The following IL7 variants were observed in gnomAD, a reference collection of about 807,000 sequenced individuals.
The protein encoded by IL7 is interleukin 7.
In IL7, 3 loss-of-function variants were observed where a neutral mutation model predicts 21.6. That is an observed-to-expected ratio of 0.14 (90% confidence interval 0.06 to 0.36). The LOEUF (loss-of-function observed/expected upper bound fraction) is 0.36. Among genes scored for constraint, IL7 ranks in the 10% least tolerant of loss-of-function variants. The pLI, the probability that IL7 is intolerant of heterozygous loss-of-function variation, is 1.00. For synonymous variants in IL7, 62 were observed against 68.1 expected, an observed-to-expected ratio of 0.91 and a Z score of 0.44; for missense variants, 175 against 200.2, an observed-to-expected ratio of 0.87 and a Z score of 0.76.
intron 2 of IL7, among the ~76,000 whole-genome samples, chr8:78,786,453 C>G (rs74756472): frequency 0.064 from 9,787 of 152,174 alleles, 344 homozygotes; most frequent in Middle Eastern, 0.092. Flanking sequence ...GTGAGTGAGC[C>G]ATGAGTGAAT....
chr8:78,719,542 ATTTTAT>A (rs1459276943), intron 5 of IL7: 2 of 151,816 alleles, frequency 1.3e-5, no homozygotes, highest in African/African-American at 4.8e-5. Context: ...TGCATCATGT[ATTTTAT>A]TTTTATTTAT....
At chr8:78,721,251 A>G (rs1811232534) in intron 4 of IL7, 1 of 152,068 alleles carries the variant, frequency 6.6e-6, no homozygotes, top group South Asian at 2.1e-4. Flanking sequence ...AGCTTCTTAT[A>G]ACCATAAATT....
chr8:78,678,725 T>C, intron 4 of IL7: 5 of 1,332,756 alleles, frequency 3.8e-6, no homozygotes, highest in Non-Finnish European at 5.2e-6. Context: ...GTGTTATGTA[T>C]GTTGAAAAAT....
chr8:78,748,508 C>T (rs540844097), intron 2 of IL7, among the ~76,000 whole-genome samples: 6 of 152,138 alleles, frequency 3.9e-5, no homozygotes, highest in Non-Finnish European at 2.9e-5. Context: ...TGCTCCTTAA[C>T]TTACAATGGG....
chr8:78,692,000 A>G (rs1392296394), intron 3 of IL7, among the ~76,000 whole-genome samples: 3 of 152,182 alleles, frequency 2.0e-5, no homozygotes, highest in African/African-American at 7.2e-5. Flanking sequence ...AAGCTAATTA[A>G]CATACTATCA....
chr8:78,735,595 A>T (rs1470827712), intron 5 of IL7, among the ~76,000 whole-genome samples: 6 of 152,060 alleles, frequency 3.9e-5, no homozygotes, highest in Admixed American at 3.9e-4. Context: ...GGCGTGAGCC[A>T]CCGCACCCAA....
Position 78,676,694 on chromosome 8 carries a change from T to C in IL7, n.274-590A>G, listed in dbSNP as rs144215801. Among the ~76,000 whole-genome samples the C allele has an allele frequency of 4.1e-4, 62 of 152,176 alleles. No homozygotes were observed. In the East Asian group the frequency reaches 0.012, roughly 29 times the overall value. The stretch of plus-strand genomic sequence containing the variant: ...ATGATCCAAAGTGTCCTTCTGACTG[T>C]AGGCACCTTTTAAATAATGATGGCT... On this transcript the variant is annotated intron_variant and non_coding_transcript_variant, in intron 4 of 4. Coordinates refer to the IL7 transcript ENST00000523959.
At chr8:78,686,340 GAT>G in intron 3 of IL7, 1 of 770,846 alleles carries the variant, frequency 1.3e-6, no homozygotes, top group African/African-American at 1.8e-5. Flanking sequence ...ATTTGAGAAG[GAT>G]ATCATTTAAG....
At chr8:78,695,495 T>G (rs1402919300) in intron 3 of IL7, among the ~76,000 whole-genome samples, 1 of 152,210 alleles carries the variant, frequency 6.6e-6, no homozygotes, top group African/African-American at 2.4e-5. Context: ...TGCTCTTTTT[T>G]GATTGTACAG....
chr8:78,750,200 G>A (rs1393196466), intron 2 of IL7, among the ~76,000 whole-genome samples: 1 of 152,032 alleles, frequency 6.6e-6, no homozygotes, highest in Non-Finnish European at 1.5e-5. Context: ...TTTTTCACAT[G>A]TTGGAAGGCT....
chr8:78,773,624 C>T (rs1352625786), intron 2 of IL7, among the ~76,000 whole-genome samples: 1 of 152,078 alleles, frequency 6.6e-6, no homozygotes, highest in Non-Finnish European at 1.5e-5. Context: ...AACAGATTTT[C>T]CTTCTCCAAT....
chr8:78,729,865 A>G (rs1456062554), downstream of IL7, among the ~76,000 whole-genome samples: 1 of 152,148 alleles, frequency 6.6e-6, no homozygotes. Context: ...AGCATTGAAG[A>G]TAGAAATTGG....
At chr8:78,793,868 C>A (rs1264385568) in intron 2 of IL7, among the ~76,000 whole-genome samples, 1 of 152,098 alleles carries the variant, frequency 6.6e-6, no homozygotes, top group African/African-American at 2.4e-5. Context: ...TTTTTCTTGT[C>A]ATTTCAGCAA....
At chr8:78,753,406 A>G (rs1422646234) in intron 2 of IL7, among the ~76,000 whole-genome samples, 1 of 152,086 alleles carries the variant, frequency 6.6e-6, no homozygotes. Flanking sequence ...TCCTTTGCCC[A>G]CTTTTTGATG....
At chr8:78,709,386 T>C (rs1017543965) in intron 3 of IL7, among the ~76,000 whole-genome samples, 1 of 152,178 alleles carries the variant, frequency 6.6e-6, no homozygotes, top group African/African-American at 2.4e-5. Flanking sequence ...GTGAAATGAA[T>C]TTGTGTGGAG....
chr8:78,707,114 C>T (rs1810798346), intron 3 of IL7, among the ~76,000 whole-genome samples: 1 of 152,142 alleles, frequency 6.6e-6, no homozygotes, highest in Admixed American at 6.6e-5. Flanking sequence ...GCAATATGTG[C>T]TTTAATTTTA....
chr8:78,681,931 G>A (rs1809800414), intron 4 of IL7, among the ~76,000 whole-genome samples: 1 of 143,826 alleles, frequency 7.0e-6, no homozygotes, highest in African/African-American at 2.6e-5. Flanking sequence ...TTTTGAGACA[G>A]GGATCTTACT....
chr8:78,679,598 T>C (rs1377167888), intron 4 of IL7, among the ~76,000 whole-genome samples: 1 of 152,154 alleles, frequency 6.6e-6, no homozygotes, highest in African/African-American at 2.4e-5. Flanking sequence ...CAACTGTGTA[T>C]TGCTAAGAAT....
intron 3 of IL7, among the ~76,000 whole-genome samples, chr8:78,687,702 TTATA>T (rs67618117): frequency 4.2e-5 from 2 of 47,788 alleles, no homozygotes; most frequent in African/African-American, 1.3e-4. Context: ...ACGTAATACA[TTATA>T]TATATATTTA....
Sources: gnomAD v4.1 joint callset for allele counts (sites outside exome capture counted in the v4.1 genomes callset) on GRCh38, gnomAD v4.1.1 for gene constraint, MANE v1.5 for transcripts, NCBI Gene and HGNC (gene_info 2026-07-23, HGNC 2026-07-21) for gene names.